Variants in FKBP5 observed in about 807,000 individuals in gnomAD.
The protein encoded by FKBP5 is peptidyl-prolyl cis-trans isomerase FKBP5.
FKBP5 carries 23 observed loss-of-function variants against 50.5 expected under a neutral mutation model. That is an observed-to-expected ratio of 0.46 (90% CI 0.33 to 0.65). FKBP5 has a LOEUF of 0.65. FKBP5 is among the 30% of genes least tolerant of loss of function. The pLI is 0.02. For synonymous variants in FKBP5, 176 were observed against 190.6 expected, an observed-to-expected ratio of 0.92 and a Z score of 0.63; for missense variants, 411 against 553.1, an observed-to-expected ratio of 0.74 and a Z score of 2.58.
intron 8 of FKBP5, chr6:35,581,506 C>T (rs892852475): frequency 8.0e-6 from 7 of 877,752 alleles, no homozygotes; most frequent in African/African-American, 1.8e-5. Flanking sequence ...AGGAGAACTG[C>T]TTGAACCTAA....
Position 35,680,767 on chromosome 6 carries a change from G to A in FKBP5, c.-20+8037C>T, listed in dbSNP as rs76996997. On this transcript the variant is annotated intron_variant, in intron 1 of 10. Coordinates refer to ENST00000357266, the MANE Select transcript of FKBP5 (RefSeq NM_004117.4). ...TGTATGCCTCCTCTTCTTTGGCTAA[G>A]TTCTAGGATAGTAAAAACTGTTCAT... 7.1e-3 allele frequency among the ~76,000 whole-genome samples: 1,080 copies of A among 152,332 alleles called. 25 individuals are homozygous for A. Among genetic ancestry groups the A allele is most frequent in the African/African-American group, 0.025 (1,031 of 41,570 alleles).
In FKBP5 at chr6:35,629,674, A is replaced by C. The variant is rs150766004; in HGVS notation, c.250+7340T>G. Among the ~76,000 whole-genome samples, 255 of 152,300 alleles carry C rather than the reference A, an allele frequency of 1.7e-3. 1 individual carries two copies. Among genetic ancestry groups the C allele is most frequent in the African/African-American group, 5.7e-3 (236 of 41,572 alleles). Reference sequence around the variant, plus strand: ...AAGAACTATAGCACCACAACACTGTACTCAAAAAGAGAACAAAGGCATGAT... The same window carrying C: ...AAGAACTATAGCACCACAACACTGTCCTCAAAAAGAGAACAAAGGCATGAT... On this transcript the variant is annotated intron_variant, in intron 3 of 10. Coordinates refer to ENST00000357266, the MANE Select transcript of FKBP5 (RefSeq NM_004117.4).
At position 35,615,140 on chromosome 6, in the gene FKBP5, A is replaced by T. The variant is rs866491869; in HGVS notation, c.508+3956T>A. ...CTCTGTCGCAAACAACAACAACAAC[A>T]ACAACAACAACAACTACACACACAC... On this transcript the variant is annotated intron_variant, in intron 5 of 10. Coordinates refer to ENST00000357266, the MANE Select transcript of FKBP5 (RefSeq NM_004117.4). Among the ~76,000 whole-genome samples the T allele has an allele frequency of 4.4e-3, 530 of 120,022 alleles. 4 individuals carry two copies. The highest frequency in any genetic ancestry group is 0.026 in the Middle Eastern group (7 of 272). 78.7% of individuals were successfully genotyped at this position (120,022 alleles called of 152,430 possible). A position where few individuals can be genotyped will look rare whatever the true frequency, so the allele number is the denominator to read the frequency against.
chr6:35,718,639 T>C (rs1289359668), intron 2 of FKBP5, among the ~76,000 whole-genome samples: 1 of 152,188 alleles, frequency 6.6e-6, no homozygotes, highest in African/African-American at 2.4e-5. Context: ...CATAGCAAGC[T>C]AAAATGTGGC....
chr6:35,640,574 CTTCT>C (rs1030031246), intron 2 of FKBP5, among the ~76,000 whole-genome samples: 8 of 152,152 alleles, frequency 5.3e-5, no homozygotes, highest in African/African-American at 1.7e-4. Flanking sequence ...TAAAATTTTT[CTTCT>C]TTCTTTAATA....
chr6:35,703,526 A>T (rs925129362), intron 2 of FKBP5, among the ~76,000 whole-genome samples: 2 of 152,364 alleles, frequency 1.3e-5, no homozygotes, highest in East Asian at 1.9e-4. Flanking sequence ...AAAATATCAC[A>T]TGTACCCCAT....
At chr6:35,601,025 C>A (rs1181106953) in intron 5 of FKBP5, among the ~76,000 whole-genome samples, 1 of 152,142 alleles carries the variant, frequency 6.6e-6, no homozygotes, top group Non-Finnish European at 1.5e-5. Flanking sequence ...GAAAGCAAAA[C>A]ATTCATTGTA....
In FKBP5 at chr6:35,594,335, CCT is replaced by C. The variant is rs1257406024; in HGVS notation, c.665+2911_665+2912del. Among the ~76,000 whole-genome samples the C allele has an allele frequency of 6.6e-5, 10 of 151,964 alleles. No individual in the cohort carries two copies. In the South Asian group the frequency reaches 1.3e-3, roughly 19 times the overall value. ...ACTCCAGCCTAGGTGAAAGTGAGAC[CCT>C]GTCTCGGGGGGTGGGGGAGGGACAG... On this transcript the variant is annotated intron_variant, in intron 6 of 10. Transcript: ENST00000357266.
At chr6:35,620,108 AG>A (rs1208647708) in intron 4 of FKBP5, 23 bp downstream of exon 4, 6 of 1,613,956 alleles carry the variant, frequency 3.7e-6, no homozygotes, top group Non-Finnish European at 5.1e-6. Flanking sequence ...GATGCTGACA[AG>A]GCAACATCAC....
chr6:35,583,993 C>T (rs900987157), intron 8 of FKBP5: 3 of 985,226 alleles, frequency 3.0e-6, no homozygotes, highest in Admixed American at 6.2e-5. Flanking sequence ...CCAGGAGAAG[C>T]ACAAGGGGGC....
At chr6:35,725,371 G>A (rs1411040267) in intron 1 of FKBP5, among the ~76,000 whole-genome samples, 1 of 152,154 alleles carries the variant, frequency 6.6e-6, no homozygotes, top group Non-Finnish European at 1.5e-5. Context: ...CTGGGCTCAG[G>A]AATATTGCTA....
At chr6:35,620,681 G>A (rs1346803053) in intron 3 of FKBP5, among the ~76,000 whole-genome samples, 1 of 152,136 alleles carries the variant, frequency 6.6e-6, no homozygotes, top group Non-Finnish European at 1.5e-5. Flanking sequence ...TGGGAGCCCA[G>A]GAGATTGAGG....
At chr6:35,578,314 G>T (rs1319951229) in intron 9 of FKBP5, among the ~76,000 whole-genome samples, 2 of 152,144 alleles carry the variant, frequency 1.3e-5, no homozygotes, top group East Asian at 3.9e-4. Flanking sequence ...GCCTCCGAAA[G>T]TCCTGGGGTT....
At chr6:35,642,334 G>A (rs1002044284) in intron 2 of FKBP5, among the ~76,000 whole-genome samples, 11 of 152,002 alleles carry the variant, frequency 7.2e-5, no homozygotes, top group South Asian at 2.1e-4. Flanking sequence ...ACAGTGGCTC[G>A]TGCCTATAAT....
chr6:35,719,476 C>T (rs1766567848), intron 2 of FKBP5, among the ~76,000 whole-genome samples: 1 of 152,176 alleles, frequency 6.6e-6, no homozygotes. Flanking sequence ...AATGTATGTA[C>T]ATTATACCTC....
At chr6:35,694,398 C>T (rs1366894855) in intron 2 of FKBP5, among the ~76,000 whole-genome samples, 1 of 152,134 alleles carries the variant, frequency 6.6e-6, no homozygotes, top group African/African-American at 2.4e-5. Flanking sequence ...CCTCTTGCCT[C>T]GGCCTTCCAA....
Position 35,620,206 on chromosome 6 carries a change from AC to A in FKBP5, c.318del (p.Cys107AlafsTer62). 1 of 1,614,182 alleles carries A rather than the reference AC, an allele frequency of 6.2e-7. No homozygotes were observed. Among genetic ancestry groups the A allele is most frequent in the African/African-American group, 1.3e-5 (1 of 75,056 alleles). On this transcript the variant is annotated frameshift_variant, in exon 4 of 11. Transcript: ENST00000357266. LOFTEE classifies it high-confidence loss of function. ...GAGCCATATGCATATTCTGGTTTGC[AC>A]AGTAAATGGCATATCTCTCCTTTCT... The part of the protein sequence containing the change: ...TMKKGEICHL[L>X]CKPEYAYGSA...
At chr6:35,585,709 A>G (rs1762577961) in intron 8 of FKBP5, 1 of 959,128 alleles carries the variant, frequency 1.0e-6, no homozygotes, top group African/African-American at 1.8e-5. Flanking sequence ...CACCCACAGT[A>G]AGAAATATGC....
chr6:35,590,415 G>GGT (rs1373961273), intron 7 of FKBP5, among the ~76,000 whole-genome samples: 2 of 152,142 alleles, frequency 1.3e-5, no homozygotes, highest in African/African-American at 4.8e-5. Context: ...AAATGCCAGG[G>GGT]GCACGTGGCC....
Sources: gnomAD v4.1 joint callset for allele counts (sites outside exome capture counted in the v4.1 genomes callset) on GRCh38, gnomAD v4.1.1 for gene constraint, MANE v1.5 for transcripts, NCBI Gene and HGNC (gene_info 2026-07-23, HGNC 2026-07-21) for gene names.